Variants in SLC7A1 observed in about 807,000 individuals in gnomAD.
The protein encoded by SLC7A1 is solute carrier family 7 member 1.
Under a neutral mutation model 53.9 loss-of-function variants are expected in SLC7A1, and 10 were observed. That is an observed-to-expected ratio of 0.19 (90% confidence interval 0.11 to 0.31). The LOEUF (loss-of-function observed/expected upper bound fraction) is 0.31, where lower values mean the gene tolerates loss of function less well. SLC7A1 is among the 10% of genes least tolerant of loss of function. The probability of loss-of-function intolerance (pLI) is 1.00; values close to 1 mark genes in which losing one functional copy is unlikely to be tolerated. For synonymous variants in SLC7A1, 342 were observed against 338.7 expected (o/e 1.01, Z -0.11); for missense variants, 525 against 827.2 (o/e 0.63, Z 4.48).
intron 1 of SLC7A1, among the ~76,000 whole-genome samples, chr13:29,581,193 C>T (rs892219804): frequency 3.9e-5 from 6 of 152,068 alleles, no homozygotes; most frequent in African/African-American, 1.4e-4. Context: ...CCATGACATC[C>T]CGACCCTGCC....
At chr13:29,589,409 G>A (rs1006781884) in intron 1 of SLC7A1, among the ~76,000 whole-genome samples, 2 of 152,280 alleles carry the variant, frequency 1.3e-5, no homozygotes, top group Non-Finnish European at 2.9e-5. Flanking sequence ...ATTGCATCCA[G>A]CCAAAGGCTG....
intron 1 of SLC7A1, among the ~76,000 whole-genome samples, chr13:29,583,478 A>G (rs1017926596): frequency 6.6e-6 from 1 of 152,164 alleles, no homozygotes; most frequent in Non-Finnish European, 1.5e-5. Context: ...AGCAGCTCTT[A>G]GTAGACTTCA....
intron 5 of SLC7A1, among the ~76,000 whole-genome samples, chr13:29,526,659 A>T (rs999306890): frequency 5.9e-5 from 9 of 152,206 alleles, no homozygotes; most frequent in Admixed American, 1.3e-4. Flanking sequence ...TCCCAGAAAG[A>T]GATGAACTCA....
At chr13:29,536,799 G>C (rs971386428) in intron 2 of SLC7A1, among the ~76,000 whole-genome samples, 3 of 152,260 alleles carry the variant, frequency 2.0e-5, no homozygotes, top group African/African-American at 7.2e-5. Context: ...GTTATTACAA[G>C]TGAGGGCTTT....
intron 1 of SLC7A1, among the ~76,000 whole-genome samples, chr13:29,588,382 G>T (rs1871973847): frequency 6.6e-6 from 1 of 152,202 alleles, no homozygotes; most frequent in South Asian, 2.1e-4. Flanking sequence ...GTATGTGTCT[G>T]TGTGCATGTG....
chr13:29,581,934 A>G (rs1292439496), intron 1 of SLC7A1, among the ~76,000 whole-genome samples: 2 of 152,150 alleles, frequency 1.3e-5, no homozygotes, highest in Non-Finnish European at 2.9e-5. Flanking sequence ...CAGGAATGGG[A>G]TTTTTCTTCT....
chr13:29,540,562 C>T (rs768690675), intron 2 of SLC7A1, among the ~76,000 whole-genome samples: 13 of 152,222 alleles, frequency 8.5e-5, no homozygotes, highest in Admixed American at 2.0e-4. Context: ...TTGAATTTAA[C>T]GGATCATTCC....
intron 1 of SLC7A1, among the ~76,000 whole-genome samples, chr13:29,568,340 C>T (rs911895335): frequency 2.0e-5 from 3 of 152,136 alleles, no homozygotes; most frequent in South Asian, 2.1e-4. Context: ...AAAACCACGA[C>T]GATGTATTAC....
chr13:29,570,827 G>C (rs529702141), intron 1 of SLC7A1, among the ~76,000 whole-genome samples: 1 of 150,012 alleles, frequency 6.7e-6, no homozygotes, highest in Non-Finnish European at 1.5e-5. Context: ...CACTGCACTT[G>C]GGTCTGGGCA....
chr13:29,516,573 T>TA (rs1221495652), intron 11 of SLC7A1, among the ~76,000 whole-genome samples: 1 of 152,244 alleles, frequency 6.6e-6, no homozygotes, highest in Admixed American at 6.5e-5. Context: ...ACTTTACCTC[T>TA]AAGGTCAACA....
At chr13:29,521,956 C>G (rs566951957) in intron 8 of SLC7A1, among the ~76,000 whole-genome samples, 1 of 152,174 alleles carries the variant, frequency 6.6e-6, no homozygotes, top group African/African-American at 2.4e-5. Flanking sequence ...CAGGTACTGG[C>G]GAGGTCTCCC....
At chr13:29,574,794 G>A (rs819386) in intron 1 of SLC7A1, among the ~76,000 whole-genome samples, 111,162 of 151,694 alleles carry the variant, frequency 0.73, 42,199 homozygotes, top group Non-Finnish European at 0.85. Context: ...ACAGGTGCGC[G>A]CCACCATGAC....
chr13:29,523,218 G>C, intron 7 of SLC7A1, 48 bp downstream of exon 7: 1 of 1,487,694 alleles, frequency 6.7e-7, no homozygotes, highest in Non-Finnish European at 9.3e-7. Context: ...CCTAACCCCT[G>C]CTGGTGGTTC....
intron 4 of SLC7A1, among the ~76,000 whole-genome samples, 181 bp from the exon 5 acceptor site, chr13:29,530,893 G>A (rs1869121230): frequency 6.6e-6 from 1 of 152,154 alleles, no homozygotes; most frequent in African/African-American, 2.4e-5. Flanking sequence ...GGGGATCAGG[G>A]GTTTAAATCA....
chr13:29,566,980 G>T (rs1055568591), intron 1 of SLC7A1, among the ~76,000 whole-genome samples: 1 of 152,160 alleles, frequency 6.6e-6, no homozygotes, highest in Non-Finnish European at 1.5e-5. Context: ...CATGGCTCCA[G>T]TTGCCGTTGG....
rs776843495 is a variant in SLC7A1, at chr13:29,532,920, C to T, written c.433G>A (p.Gly145Arg). 2.5e-6 allele frequency: 4 copies of T among 1,614,046 alleles called. No homozygotes were observed. The highest frequency in any genetic ancestry group is 1.3e-5 in the African/African-American group (1 of 74,916). Residue 145 changes from glycine (G) to arginine (R), a missense_variant, in exon 4 of 13, where the codon GGG (glycine) becomes AGG (arginine). Around this residue, in one of 4 missense-constraint regions of SLC7A1, gnomAD observed 354 missense variants for 587.5 expected, o/e 0.60. Coordinates refer to ENST00000380752, the MANE Select transcript of SLC7A1 (RefSeq NM_003045.5). ...TFDELIGRPI[G>R]EFSRTHMTLN... ...GTCATGTGTGTCCGTGAGAACTCCC[C>T]GATGGGTCTGCCTATCAGCTCGTCG...
chr13:29,551,433 C>T (rs2139132408), intron 2 of SLC7A1, among the ~76,000 whole-genome samples: 1 of 152,318 alleles, frequency 6.6e-6, no homozygotes, highest in South Asian at 2.1e-4. Flanking sequence ...GAAAAGATGA[C>T]ATCATGGCGG....
intron 11 of SLC7A1, 148 bp downstream of exon 11, chr13:29,516,996 G>T (rs1593538210): frequency 1.5e-6 from 1 of 660,034 alleles, no homozygotes; most frequent in East Asian, 2.9e-5. Flanking sequence ...TGTGCCTTCA[G>T]GACCCCTGCC....
intron 2 of SLC7A1, among the ~76,000 whole-genome samples, chr13:29,546,831 A>C (rs1271623554): frequency 2.0e-5 from 3 of 152,198 alleles, no homozygotes; most frequent in Admixed American, 6.5e-5. Context: ...CCTCACAGTG[A>C]GCGGGGCCTG....
Sources: gnomAD v4.1 joint callset for allele counts (sites outside exome capture counted in the v4.1 genomes callset) on GRCh38, gnomAD v4.1.1 for gene constraint, gnomAD v4.1.1 regional missense constraint, MANE v1.5 for transcripts, NCBI Gene and HGNC (gene_info 2026-07-23, HGNC 2026-07-21) for gene names.